Variants in COPS4 observed in about 807,000 individuals in gnomAD.
The protein encoded by COPS4 is COP9 signalosome subunit 4, also known as COP9 signalosome complex subunit 4.
COPS4 carries 8 observed loss-of-function variants against 55.1 expected under a neutral mutation model. The ratio of observed to expected loss-of-function variants is 0.15; its 90% CI spans 0.09 to 0.26. The LOEUF (loss-of-function observed/expected upper bound fraction) is 0.26. Ranked by LOEUF, COPS4 falls within the 10% of genes least tolerant of loss-of-function variation. The probability of loss-of-function intolerance (pLI) is 1.00; values close to 1 mark genes in which losing one functional copy is unlikely to be tolerated. For synonymous variants in COPS4, 185 were observed against 165.7 expected, an observed-to-expected ratio of 1.12 and a Z score of -0.90; for missense variants, 248 against 484.0, an observed-to-expected ratio of 0.51 and a Z score of 4.58.
chr4:83,075,244 T>C (rs1731544475), intron 9 of COPS4, 53 bp from the exon 10 acceptor site: 2 of 1,546,120 alleles, frequency 1.3e-6, no homozygotes, highest in Non-Finnish European at 1.8e-6. Context: ...AACTCACAGT[T>C]GCTGTGAATA....
chr4:83,040,496 A>G (rs935536132), intron 1 of COPS4, among the ~76,000 whole-genome samples: 4 of 152,176 alleles, frequency 2.6e-5, no homozygotes, highest in South Asian at 2.1e-4. Context: ...TTGGCAGAAT[A>G]TGGAACTTCC....
intron 1 of COPS4, among the ~76,000 whole-genome samples, chr4:83,044,295 A>G (rs1359535865): frequency 4.0e-5 from 6 of 151,666 alleles, no homozygotes; most frequent in Non-Finnish European, 7.4e-5. Context: ...AAATACAAAA[A>G]TTAGCCGCAC....
Position 83,035,241 on chromosome 4 carries a change from G to A in COPS4, c.17G>A (p.Arg6Gln). 1 of 1,572,042 alleles carries A rather than the reference G, an allele frequency of 6.4e-7. No homozygotes were observed. Among genetic ancestry groups the A allele is most frequent in the Non-Finnish European group, 8.7e-7 (1 of 1,153,174 alleles). ...GGGAGAAAGATGGCGGCAGCCGTGC[G>A]ACAGGATTTGGCCCAGCTCATGAAT... is the stretch of plus-strand genomic sequence containing the variant. MAAAV[R>Q]QDLAQLMNSS... The change falls in exon 1 of 10, where the codon CGA becomes CAA. Residue 6 changes from arginine (R) to glutamine (Q), a missense_variant. By Grantham distance (43) the Arg-to-Gln change is conservative (BLOSUM62 1). Around this residue, in one of 4 missense-constraint regions of COPS4, gnomAD observed 55 missense variants for 62.8 expected, o/e 0.88. Coordinates refer to ENST00000264389, the MANE Select transcript of COPS4 (RefSeq NM_016129.3).
chr4:83,052,651 A>G (rs987200162), intron 4 of COPS4, among the ~76,000 whole-genome samples: 1 of 152,108 alleles, frequency 6.6e-6, no homozygotes, highest in Admixed American at 6.6e-5. Flanking sequence ...GGCTCTGTCA[A>G]CCAAGCTGTA....
intron 1 of COPS4, among the ~76,000 whole-genome samples, chr4:83,042,794 G>T (rs973004860): frequency 6.6e-6 from 1 of 151,976 alleles, no homozygotes; most frequent in Non-Finnish European, 1.5e-5. Context: ...TGGTAGAGAT[G>T]AGGTTTTACT....
intron 9 of COPS4, chr4:83,073,289 A>C: frequency 1.4e-6 from 1 of 699,838 alleles, no homozygotes; most frequent in Non-Finnish European, 2.6e-6. Flanking sequence ...ACAATATGTG[A>C]CATGTGACCT....
chr4:83,058,697 A>G (rs35041193), intron 6 of COPS4, among the ~76,000 whole-genome samples: 1 of 152,170 alleles, frequency 6.6e-6, no homozygotes, highest in Non-Finnish European at 1.5e-5. Flanking sequence ...TTGTAACTGT[A>G]TACATCATAG....
chr4:83,070,633 A>T (rs1055169022), intron 9 of COPS4, among the ~76,000 whole-genome samples: 2 of 151,986 alleles, frequency 1.3e-5, no homozygotes, highest in African/African-American at 4.8e-5. Context: ...TCTTACTATC[A>T]CCAACCTATT....
At chr4:83,062,735 T>A (rs1413619428) in intron 6 of COPS4, among the ~76,000 whole-genome samples, 2 of 152,218 alleles carry the variant, frequency 1.3e-5, no homozygotes, top group Non-Finnish European at 2.9e-5. Flanking sequence ...GTATGATTTA[T>A]AGTGTTGGCT....
chr4:83,056,897 T>G, intron 4 of COPS4, 29 bp from the exon 5 acceptor site: 1 of 1,528,472 alleles, frequency 6.5e-7, no homozygotes, highest in Non-Finnish European at 8.9e-7. Flanking sequence ...AAATGTTGAG[T>G]CATTATGTGT....
chr4:83,051,450 A>G (rs370874202), intron 4 of COPS4, among the ~76,000 whole-genome samples: 96 of 152,276 alleles, frequency 6.3e-4, no homozygotes, highest in Non-Finnish European at 1.1e-3. Flanking sequence ...ATACAGTACC[A>G]CAGATAAGGT....
chr4:83,046,472 A>G (rs1560436233), intron 2 of COPS4, among the ~76,000 whole-genome samples: 1 of 152,088 alleles, frequency 6.6e-6, no homozygotes, highest in Admixed American at 6.6e-5. Context: ...ACAAAAAGAA[A>G]CCCCACATGC....
intron 7 of COPS4, among the ~76,000 whole-genome samples, chr4:83,065,928 G>A (rs1731281540): frequency 6.6e-6 from 1 of 152,218 alleles, no homozygotes; most frequent in Non-Finnish European, 1.5e-5. Flanking sequence ...GCCCAGGTGG[G>A]CGCATCACTT....
At chr4:83,045,773 C>G (rs1180823484) in intron 2 of COPS4, 68 bp downstream of exon 2, 5 of 968,948 alleles carry the variant, frequency 5.2e-6, no homozygotes, top group Non-Finnish European at 7.9e-6. Context: ...TCTCTCAAGC[C>G]TTGTTTTGTA....
At chr4:83,036,621 T>C (rs1050003128) in intron 1 of COPS4, among the ~76,000 whole-genome samples, 2 of 152,360 alleles carry the variant, frequency 1.3e-5, no homozygotes, top group Admixed American at 6.5e-5. Context: ...ACCACACTTA[T>C]ATCACGTAGA....
At chr4:83,037,203 G>A (rs1730446913) in intron 1 of COPS4, among the ~76,000 whole-genome samples, 1 of 152,182 alleles carries the variant, frequency 6.6e-6, no homozygotes, top group African/African-American at 2.4e-5. Flanking sequence ...GCTTTCTTAG[G>A]TGCCTATGAG....
rs572951546 is a variant in COPS4 at position 83,049,319 on chromosome 4, T to TA, written c.306+7dup. On this transcript the variant is annotated splice_region_variant and intron_variant, in intron 3 of 9. Coordinates refer to ENST00000264389, the MANE Select transcript of COPS4 (RefSeq NM_016129.3). ...AGAGTCATTTCATTTGAGGAGCAGGTAAAAATCTAGAGAAGTGGTTTTTTA... is the reference window on the plus strand; with the variant it reads ...AGAGTCATTTCATTTGAGGAGCAGGTAAAAAATCTAGAGAAGTGGTTTTTTA... 0.01 allele frequency: 15,850 copies of TA among 1,574,208 alleles called. 115 individuals are homozygous for TA. The highest frequency in any genetic ancestry group is 0.012 in the Non-Finnish European group (14,336 of 1,167,570).
intron 1 of COPS4, among the ~76,000 whole-genome samples, chr4:83,040,017 A>G (rs1306867683): frequency 1.3e-5 from 2 of 152,150 alleles, no homozygotes; most frequent in East Asian, 3.8e-4. Flanking sequence ...CCCACTGACT[A>G]TAACCTCTAG....
At chr4:83,057,680 T>C (rs1340151630) in intron 6 of COPS4, among the ~76,000 whole-genome samples, 5 of 152,076 alleles carry the variant, frequency 3.3e-5, no homozygotes. Context: ...CCCAGCACTT[T>C]GGGAGGCCGA....
Sources: allele counts gnomAD v4.1 joint callset (sites outside exome capture counted in the v4.1 genomes callset), GRCh38; gene constraint gnomAD v4.1.1; regional missense constraint gnomAD v4.1.1; transcripts MANE v1.5; gene names NCBI Gene and HGNC (gene_info 2026-07-23, HGNC 2026-07-21).